Variants in PRUNE2 observed in about 807,000 individuals in gnomAD.
The protein encoded by PRUNE2 is prune homolog 2 with BCH domain, also known as protein prune homolog 2.
PRUNE2 carries 164 observed loss-of-function variants against 252.0 expected under a neutral mutation model. The ratio of observed to expected loss-of-function variants is 0.65; its 90% confidence interval spans 0.57 to 0.74. PRUNE2 has a LOEUF of 0.74. Among genes scored for constraint, PRUNE2 ranks in the 30% least tolerant of loss-of-function variants. The pLI, the probability that PRUNE2 is intolerant of heterozygous loss-of-function variation, is 0.00. For synonymous variants in PRUNE2, 1,292 were observed against 1,350.2 expected (o/e 0.96, Z 0.94); for missense variants, 3,495 against 3,711.0 (o/e 0.94, Z 1.51).
chr9:76,699,295 C>T (rs369006712), intron 9 of PRUNE2, among the ~76,000 whole-genome samples: 71 of 151,834 alleles, frequency 4.7e-4, no homozygotes, highest in African/African-American at 1.6e-3. Context: ...TTTACTATAA[C>T]CTGTGATAGT....
intron 6 of PRUNE2, among the ~76,000 whole-genome samples, chr9:76,724,500 C>T (rs2047935558): frequency 6.6e-6 from 1 of 151,764 alleles, no homozygotes; most frequent in African/African-American, 2.4e-5. Context: ...AAAAGAACTT[C>T]TTGAAATGAA....
At chr9:76,732,919 C>T (rs910964680) in intron 6 of PRUNE2, among the ~76,000 whole-genome samples, 14 of 152,194 alleles carry the variant, frequency 9.2e-5, no homozygotes, top group South Asian at 2.1e-4. Context: ...AACAGACCAC[C>T]GATTTCTCTT....
intron 6 of PRUNE2, among the ~76,000 whole-genome samples, chr9:76,776,608 G>A (rs1052229828): frequency 6.7e-5 from 9 of 134,060 alleles, no homozygotes; most frequent in Admixed American, 6.7e-4. Context: ...TCCGCCTCCC[G>A]AGTTCAAGCA....
At chr9:76,884,710 A>G (rs2061987570) in intron 1 of PRUNE2, among the ~76,000 whole-genome samples, 1 of 152,244 alleles carries the variant, frequency 6.6e-6, no homozygotes, top group African/African-American at 2.4e-5. Context: ...GTTTTAAAAT[A>G]TTAAAATGGA....
Position 76,708,277 on chromosome 9 carries a change from C to A in PRUNE2, c.3997G>T (p.Ala1333Ser). The A allele has an allele frequency of 1.9e-6, 3 of 1,613,814 alleles. No homozygotes were observed. Among genetic ancestry groups the A allele is most frequent in the Non-Finnish European group, 2.5e-6 (3 of 1,179,886 alleles). Residue 1333 changes from alanine to serine, a missense_variant, in exon 8 of 19, where the codon GCC becomes TCC. By Grantham distance (99) the Ala-to-Ser change is moderately conservative. Transcript: ENST00000376718. The stretch of plus-strand genomic sequence containing the variant: ...TCATCAAGGTGCCCCCTGTCAGTGG[C>A]TCCCTGGGCTTCCTTCTCACTTTCA... ...QSESEKEAQGATDRGHLDEEE... is the reference protein window; with the variant it reads ...QSESEKEAQGSTDRGHLDEEE...
intron 1 of PRUNE2, among the ~76,000 whole-genome samples, chr9:76,870,355 G>A (rs2061113411): frequency 6.6e-6 from 1 of 150,556 alleles, no homozygotes; most frequent in African/African-American, 2.4e-5. Flanking sequence ...TCCCTCTTTA[G>A]AGCCTCAGAG....
At chr9:76,841,754 C>A (rs189588367) in intron 4 of PRUNE2, among the ~76,000 whole-genome samples, 48 of 152,324 alleles carry the variant, frequency 3.2e-4, no homozygotes, top group Admixed American at 2.9e-3. Flanking sequence ...CTAGATTCCT[C>A]CTCTCTGCAC....
chr9:76,851,167 A>G (rs980549446), intron 2 of PRUNE2, among the ~76,000 whole-genome samples: 1 of 152,148 alleles, frequency 6.6e-6, no homozygotes, highest in East Asian at 1.9e-4. Context: ...AGGGGAAGGC[A>G]CATACATTGC....
intron 6 of PRUNE2, among the ~76,000 whole-genome samples, chr9:76,765,846 A>G (rs2052306916): frequency 6.6e-6 from 1 of 152,162 alleles, no homozygotes; most frequent in South Asian, 2.1e-4. Flanking sequence ...AACCTCTAAG[A>G]TCCAGCTTTA....
At chr9:76,677,575 A>G (rs1412291174) in intron 9 of PRUNE2, among the ~76,000 whole-genome samples, 1 of 152,238 alleles carries the variant, frequency 6.6e-6, no homozygotes, top group Non-Finnish European at 1.5e-5. Context: ...CTGAATAAAC[A>G]GAAGATATGT....
chr9:76,875,514 T>G (rs1161196816), intron 1 of PRUNE2, among the ~76,000 whole-genome samples: 1 of 152,072 alleles, frequency 6.6e-6, no homozygotes, highest in African/African-American at 2.4e-5. Context: ...TACAGACACG[T>G]GCCACCATGC....
intron 1 of PRUNE2, among the ~76,000 whole-genome samples, chr9:76,892,712 C>T (rs2062559092): frequency 1.3e-5 from 2 of 152,202 alleles, no homozygotes; most frequent in Non-Finnish European, 2.9e-5. Flanking sequence ...GAGAAAACTA[C>T]TTGCCAAACT....
At chr9:76,858,782 A>C (rs1329548329) in intron 1 of PRUNE2, among the ~76,000 whole-genome samples, 1 of 151,698 alleles carries the variant, frequency 6.6e-6, no homozygotes, top group Non-Finnish European at 1.5e-5. Context: ...AGAAAGAAAA[A>C]AAAAGAAAGT....
At chr9:76,834,101 TC>T (rs2058826014) in intron 4 of PRUNE2, among the ~76,000 whole-genome samples, 1 of 152,034 alleles carries the variant, frequency 6.6e-6, no homozygotes, top group Non-Finnish European at 1.5e-5. Flanking sequence ...CAGTCTGGTC[TC>T]AAACCCCTGA....
chr9:76,634,649 G>A (rs1360704795), intron 15 of PRUNE2, among the ~76,000 whole-genome samples: 1 of 152,142 alleles, frequency 6.6e-6, no homozygotes, highest in Non-Finnish European at 1.5e-5. Context: ...AATACTGTCT[G>A]CCCACTTTGC....
intron 6 of PRUNE2, among the ~76,000 whole-genome samples, chr9:76,752,121 G>A (rs529030845): frequency 8.1e-5 from 12 of 147,860 alleles, no homozygotes; most frequent in East Asian, 3.9e-4. Flanking sequence ...TTTTTGAGAC[G>A]GAGTCTCACT....
At chr9:76,755,853 C>T (rs1285501089) in intron 6 of PRUNE2, among the ~76,000 whole-genome samples, 1 of 152,114 alleles carries the variant, frequency 6.6e-6, no homozygotes, top group Non-Finnish European at 1.5e-5. Flanking sequence ...AGGTGCACGC[C>T]ACCACGCCCC....
Position 76,707,762 on chromosome 9 carries a change from G to A in PRUNE2, c.4512C>T (p.Ser1504=). The A allele has an allele frequency of 6.2e-7, 1 of 1,613,536 alleles. No homozygotes were observed. Among genetic ancestry groups the A allele is most frequent in the Non-Finnish European group, 8.5e-7 (1 of 1,179,674 alleles). ...VPIDSDVHVS[S]TCSEITKNLD... ...GATTTTTGGTTATCTCAGAACATGT[G>A]CTGCTGACATGCACATCACTGTCTA... is the stretch of plus-strand genomic sequence containing the variant. Residue 1504 remains serine (S), a synonymous_variant, in exon 8 of 19, where the codon AGC becomes AGT. Coordinates refer to ENST00000376718, the MANE Select transcript of PRUNE2 (RefSeq NM_015225.3).
intron 9 of PRUNE2, among the ~76,000 whole-genome samples, chr9:76,665,882 C>T (rs2040048808): frequency 6.6e-6 from 1 of 152,066 alleles, no homozygotes. Flanking sequence ...AGACTGAGGG[C>T]ACGAGCTGTT....
Sources: gnomAD v4.1 joint callset for allele counts (sites outside exome capture counted in the v4.1 genomes callset) on GRCh38, gnomAD v4.1.1 for gene constraint, MANE v1.5 for transcripts, NCBI Gene and HGNC (gene_info 2026-07-23, HGNC 2026-07-21) for gene names.